ME3: variants seen among roughly 807,000 people sequenced by gnomAD.
The protein encoded by ME3 is NADP-dependent malic enzyme, mitochondrial.
A neutral mutation model predicts 68.9 loss-of-function variants in ME3; 48 were observed. The ratio of observed to expected loss-of-function variants is 0.70; its 90% CI spans 0.55 to 0.89. ME3 has a LOEUF of 0.89. Among genes scored for constraint, ME3 ranks in the 40% least tolerant of loss-of-function variants. The pLI is 0.00. For missense variants in ME3, 675 were observed against 797.4 expected, an observed-to-expected ratio of 0.85 and a Z score of 1.85; for synonymous variants, 320 against 318.8, an observed-to-expected ratio of 1.00 and a Z score of -0.04.
intron 4 of ME3, among the ~76,000 whole-genome samples, chr11:86,516,525 C>T (rs1450958781): frequency 6.6e-6 from 1 of 152,070 alleles, no homozygotes; most frequent in Non-Finnish European, 1.5e-5. Context: ...GTAGCTGGGA[C>T]TACAGGCATG....
chr11:86,651,229 C>T (rs1029799884), intron 2 of ME3, among the ~76,000 whole-genome samples: 1 of 152,208 alleles, frequency 6.6e-6, no homozygotes, highest in South Asian at 2.1e-4. Flanking sequence ...CCCTGTCTGA[C>T]AGCTTGGAAG....
At chr11:86,577,804 A>G (rs1958201953) in intron 2 of ME3, among the ~76,000 whole-genome samples, 1 of 152,194 alleles carries the variant, frequency 6.6e-6, no homozygotes, top group South Asian at 2.1e-4. Context: ...ATGCTCTCAT[A>G]TGGCTTACGT....
intron 2 of ME3, among the ~76,000 whole-genome samples, chr11:86,653,380 A>T (rs1036166820): frequency 8.5e-5 from 13 of 152,354 alleles, no homozygotes; most frequent in South Asian, 8.3e-4. Flanking sequence ...AAGACAAAAA[A>T]TTATAACAAA....
chr11:86,539,857 C>T (rs1280303441), intron 4 of ME3, among the ~76,000 whole-genome samples: 1 of 152,178 alleles, frequency 6.6e-6, no homozygotes, highest in East Asian at 1.9e-4. Flanking sequence ...GAAGAATTGT[C>T]TTGGGCCCCA....
At chr11:86,466,162 A>G (rs984999189) in intron 7 of ME3, among the ~76,000 whole-genome samples, 2 of 152,146 alleles carry the variant, frequency 1.3e-5, no homozygotes, top group Non-Finnish European at 2.9e-5. Context: ...CTCATTTGCT[A>G]CAGGCCCCCT....
intron 4 of ME3, among the ~76,000 whole-genome samples, chr11:86,535,609 A>G (rs1476275033): frequency 6.6e-6 from 1 of 152,184 alleles, no homozygotes; most frequent in Non-Finnish European, 1.5e-5. Context: ...TCGCCATCCT[A>G]GCATTTAAAT....
intron 2 of ME3, among the ~76,000 whole-genome samples, chr11:86,603,938 A>C (rs1200517991): frequency 2.1e-5 from 2 of 95,036 alleles, no homozygotes; most frequent in Non-Finnish European, 3.8e-5. Flanking sequence ...CACTCTGGGG[A>C]CTGTTGTGGG....
intron 2 of ME3, among the ~76,000 whole-genome samples, chr11:86,592,978 A>G (rs1250086718): frequency 6.6e-6 from 1 of 152,196 alleles, no homozygotes; most frequent in Non-Finnish European, 1.5e-5. Flanking sequence ...CATAGGCCTC[A>G]GCTCCCTTAT....
chr11:86,498,285 C>A (rs79241234), intron 5 of ME3, among the ~76,000 whole-genome samples, 161 bp from the exon 6 acceptor site: 8,356 of 152,298 alleles, frequency 0.055, 316 homozygotes, highest in Non-Finnish European at 0.085. Context: ...TATTCACCTG[C>A]AGGTGACCAG....
chr11:86,618,421 A>C (rs1005127076), intron 2 of ME3, among the ~76,000 whole-genome samples: 2 of 151,522 alleles, frequency 1.3e-5, no homozygotes, highest in African/African-American at 4.8e-5. Flanking sequence ...ATTCTTATAG[A>C]GCTAATACAA....
At chr11:86,619,082 A>T (rs1480812099) in intron 2 of ME3, among the ~76,000 whole-genome samples, 1 of 152,130 alleles carries the variant, frequency 6.6e-6, no homozygotes, top group African/African-American at 2.4e-5. Flanking sequence ...ATGCCATGTT[A>T]TGTGTAAGCT....
intron 2 of ME3, among the ~76,000 whole-genome samples, chr11:86,614,833 G>T (rs1942842631): frequency 6.6e-6 from 1 of 151,992 alleles, no homozygotes. Flanking sequence ...TCTGATACTG[G>T]TATTATTTTT....
chr11:86,608,349 G>A (rs1413888273), intron 2 of ME3, among the ~76,000 whole-genome samples: 2 of 152,116 alleles, frequency 1.3e-5, no homozygotes, highest in African/African-American at 2.4e-5. Flanking sequence ...ATGGGGAGCT[G>A]GAGACCACTC....
At chr11:86,605,295 A>C (rs527449103) in intron 2 of ME3, among the ~76,000 whole-genome samples, 13 of 152,272 alleles carry the variant, frequency 8.5e-5, no homozygotes, top group Admixed American at 4.6e-4. Flanking sequence ...ATGATTTCCA[A>C]CCTATGCCAC....
At chr11:86,525,862 C>CAAA (rs774590648) in intron 4 of ME3, among the ~76,000 whole-genome samples, 19,419 of 102,240 alleles carry the variant, frequency 0.19, 1,806 homozygotes, top group East Asian at 0.36. Flanking sequence ...AACTCTGTCT[C>CAAA]AAAAAAAAAA....
At chr11:86,571,762 G>T (rs1385588060) in intron 2 of ME3, among the ~76,000 whole-genome samples, 1 of 152,224 alleles carries the variant, frequency 6.6e-6, no homozygotes, top group Non-Finnish European at 1.5e-5. Flanking sequence ...CAGAGTGATG[G>T]TTTGTTTTGT....
At chr11:86,644,851 C>T (rs966229120) in intron 2 of ME3, among the ~76,000 whole-genome samples, 1 of 152,192 alleles carries the variant, frequency 6.6e-6, no homozygotes, top group African/African-American at 2.4e-5. Flanking sequence ...GCATTTCCAG[C>T]TGAGGTACCT....
intron 2 of ME3, 118 bp downstream of exon 2, chr11:86,671,644 A>C: frequency 7.7e-7 from 1 of 1,303,652 alleles, no homozygotes; most frequent in Non-Finnish European, 1.1e-6. Context: ...CAAGGCAAAA[A>C]CAGAAAAACC....
At chr11:86,440,414 G>T (rs1459857516), downstream of ME3, among the ~76,000 whole-genome samples, 1 of 152,120 alleles carries the variant, frequency 6.6e-6, no homozygotes, top group Non-Finnish European at 1.5e-5. Context: ...GCTTTGTGTT[G>T]CTCAACTACT....
Sources: allele counts gnomAD v4.1 joint callset (sites outside exome capture counted in the v4.1 genomes callset), GRCh38; gene constraint gnomAD v4.1.1; transcripts MANE v1.5; gene names NCBI Gene and HGNC (gene_info 2026-07-23, HGNC 2026-07-21).